TENM2: variants seen among roughly 807,000 people sequenced by gnomAD.
TENM2 encodes the protein teneurin transmembrane protein 2.
In TENM2, 52 loss-of-function variants were observed where a neutral mutation model predicts 245.2. The observed-to-expected ratio is 0.21, with a 90% CI of 0.17 to 0.27. The LOEUF (loss-of-function observed/expected upper bound fraction) is 0.27, where lower values mean the gene tolerates loss of function less well. Among genes scored for constraint, TENM2 ranks in the 10% least tolerant of loss-of-function variants. TENM2 has a pLI of 1.00. For synonymous variants in TENM2, 1,363 were observed against 1,438.9 expected, an observed-to-expected ratio of 0.95 and a Z score of 1.19; for missense variants, 3,046 against 3,666.8, an observed-to-expected ratio of 0.83 and a Z score of 4.37.
chr5:167,319,639 C>T (rs1207647716), intron 1 of TENM2, among the ~76,000 whole-genome samples: 1 of 152,114 alleles, frequency 6.6e-6, no homozygotes, highest in Non-Finnish European at 1.5e-5. Flanking sequence ...CAATAACATG[C>T]ATCTATTTGA....
the TENM2 span, among the ~76,000 whole-genome samples, chr5:167,036,121 G>A: frequency 0.019 from 2,890 of 152,284 alleles, 90 homozygotes; most frequent in African/African-American, 0.066. Context: ...AGGAAGATCA[G>A]TTTTGGGTAT....
At chr5:167,994,747 C>T (rs561650944) in intron 5 of TENM2, among the ~76,000 whole-genome samples, 7 of 152,174 alleles carry the variant, frequency 4.6e-5, no homozygotes, top group Non-Finnish European at 8.8e-5. Flanking sequence ...CAGCTGTACA[C>T]GGGAACTGAG....
chr5:168,219,089 C>A, intron 23 of TENM2, 90 bp downstream of exon 25: 1 of 1,303,716 alleles, frequency 7.7e-7, no homozygotes, highest in Non-Finnish European at 1.1e-6. Context: ...TTTTAAATTG[C>A]TTTGTCACGT....
intron 2 of TENM2, among the ~76,000 whole-genome samples, chr5:167,520,468 A>G (rs1191191342): frequency 2.0e-5 from 3 of 152,050 alleles, no homozygotes; most frequent in Non-Finnish European, 4.4e-5. Flanking sequence ...TTCTTTCAGT[A>G]TGAGATGGGA....
chr5:167,501,010 G>A (rs1017834535), intron 2 of TENM2, among the ~76,000 whole-genome samples: 2 of 152,140 alleles, frequency 1.3e-5, no homozygotes, highest in Non-Finnish European at 2.9e-5. Flanking sequence ...ATAACCAAGT[G>A]TGGGCCTTCA....
At chr5:168,239,487 G>T (rs919800356) in intron 25 of TENM2, among the ~76,000 whole-genome samples, 1 of 152,100 alleles carries the variant, frequency 6.6e-6, no homozygotes, top group Non-Finnish European at 1.5e-5. Flanking sequence ...ATGGTCAGAG[G>T]CCTCTCAGCT....
chr5:167,158,671 C>T, the TENM2 span, among the ~76,000 whole-genome samples: 7 of 152,264 alleles, frequency 4.6e-5, no homozygotes, highest in African/African-American at 1.7e-4. Flanking sequence ...AGGGAGAGCA[C>T]ATGTAAGCTC....
intron 2 of TENM2, among the ~76,000 whole-genome samples, chr5:167,550,233 T>C (rs1009423797): frequency 1.3e-5 from 2 of 152,194 alleles, no homozygotes; most frequent in Non-Finnish European, 2.9e-5. Flanking sequence ...GCAGTGAATA[T>C]ACCTAGCTAC....
chr5:167,499,993 T>C (rs1769086719), intron 2 of TENM2, among the ~76,000 whole-genome samples: 1 of 148,920 alleles, frequency 6.7e-6, no homozygotes, highest in African/African-American at 2.5e-5. Flanking sequence ...TATGTGTATG[T>C]GAGGGTGTAT....
At chr5:166,980,891 T>G in the TENM2 span, among the ~76,000 whole-genome samples, 6 of 152,194 alleles carry the variant, frequency 3.9e-5, no homozygotes, top group Non-Finnish European at 7.3e-5. Context: ...CAAGGAACCC[T>G]CCTTCTGCTA....
chr5:167,390,586 T>C (rs955161870), intron 2 of TENM2, among the ~76,000 whole-genome samples: 5 of 152,100 alleles, frequency 3.3e-5, no homozygotes, highest in Non-Finnish European at 7.4e-5. Context: ...TCTCAGTACA[T>C]AAGAAAAGAC....
At chr5:167,397,736 T>C (rs1762136962) in intron 2 of TENM2, among the ~76,000 whole-genome samples, 1 of 152,206 alleles carries the variant, frequency 6.6e-6, no homozygotes, top group Admixed American at 6.5e-5. Flanking sequence ...AAATGGTATC[T>C]GCAATTTGAA....
chr5:167,535,804 C>T (rs1012682044), intron 2 of TENM2, among the ~76,000 whole-genome samples: 6 of 152,168 alleles, frequency 3.9e-5, no homozygotes, highest in Non-Finnish European at 8.8e-5. Flanking sequence ...ATTACTTAGT[C>T]TCAGGTATTT....
chr5:167,849,580 T>C (rs974189145), intron 2 of TENM2, among the ~76,000 whole-genome samples: 2 of 151,990 alleles, frequency 1.3e-5, no homozygotes, highest in Non-Finnish European at 2.9e-5. Flanking sequence ...ATCCCACAGG[T>C]TAAGGGCCCA....
Position 167,948,665 on chromosome 5 carries a change from A to G in TENM2, c.713-3923A>G, listed in dbSNP as rs529633215. Among the ~76,000 whole-genome samples the G allele has an allele frequency of 3.3e-5, 5 of 152,328 alleles. No individual in the cohort carries two copies. In the South Asian group the frequency reaches 1.0e-3, roughly 32 times the overall value. ...TGACAGTTGCCTTTTGTCTACTAAT[A>G]GCATACTGATTAGGTTGATACTGTG... On this transcript the variant is annotated intron_variant, in intron 3 of 28. Coordinates refer to ENST00000518659, the Ensembl canonical transcript of TENM2.
At chr5:167,238,713 A>AG in the TENM2 span, among the ~76,000 whole-genome samples, 2 of 150,756 alleles carry the variant, frequency 1.3e-5, no homozygotes, top group African/African-American at 4.9e-5. Context: ...AAAAAAAAAA[A>AG]GCAAATAAAA....
At chr5:168,157,739 G>A (rs1368986015) in intron 12 of TENM2, among the ~76,000 whole-genome samples, 2 of 152,154 alleles carry the variant, frequency 1.3e-5, no homozygotes, top group Non-Finnish European at 2.9e-5. Flanking sequence ...GAGTTTGTGG[G>A]GAGGAAAGGT....
chr5:167,220,076 C>T, the TENM2 span, among the ~76,000 whole-genome samples: 4 of 152,156 alleles, frequency 2.6e-5, no homozygotes, highest in East Asian at 3.8e-4. Context: ...ACCAGGCCTC[C>T]GCAGTGCAAG....
At chr5:168,178,173 C>T (rs573192397) in intron 13 of TENM2, among the ~76,000 whole-genome samples, 10 of 152,268 alleles carry the variant, frequency 6.6e-5, no homozygotes, top group South Asian at 2.1e-4. Context: ...TCTGAGGTGT[C>T]GGTGGTGACA....
Sources: allele counts gnomAD v4.1 joint callset (sites outside exome capture counted in the v4.1 genomes callset), GRCh38; gene constraint gnomAD v4.1.1; transcripts MANE v1.5; gene names NCBI Gene and HGNC (gene_info 2026-07-23, HGNC 2026-07-21).